The following ADAMTS12 variants were observed in gnomAD, a reference collection of about 807,000 sequenced individuals.
The protein encoded by ADAMTS12 is A disintegrin and metalloproteinase with thrombospondin motifs 12.
A neutral mutation model predicts 167.8 loss-of-function variants in ADAMTS12; 118 were observed. That is an observed-to-expected ratio of 0.70 (90% CI 0.61 to 0.82). ADAMTS12 has a LOEUF of 0.82. Ranked by LOEUF, ADAMTS12 falls within the 40% of genes least tolerant of loss-of-function variation. The pLI, the probability that ADAMTS12 is intolerant of heterozygous loss-of-function variation, is 0.00. For synonymous variants in ADAMTS12, 704 were observed against 716.9 expected (o/e 0.98, Z 0.29); for missense variants, 1,916 against 1,998.8 (o/e 0.96, Z 0.79).
intron 16 of ADAMTS12, among the ~76,000 whole-genome samples, chr5:33,602,861 A>C (rs1234082900): frequency 6.6e-6 from 1 of 152,210 alleles, no homozygotes. Context: ...TTTATAATTC[A>C]GTTTAGAACA....
chr5:33,861,941 C>T (rs551115690), intron 2 of ADAMTS12, among the ~76,000 whole-genome samples: 10 of 152,098 alleles, frequency 6.6e-5, no homozygotes, highest in African/African-American at 2.2e-4. Flanking sequence ...GGGTAAATAA[C>T]GAAATAAAGG....
chr5:33,700,836 T>C (rs1726257874), intron 3 of ADAMTS12, among the ~76,000 whole-genome samples: 1 of 152,042 alleles, frequency 6.6e-6, no homozygotes, highest in Non-Finnish European at 1.5e-5. Flanking sequence ...ATCTTATGAC[T>C]GTATGTGAAT....
Position 33,527,288 on chromosome 5 carries a change from G to A in ADAMTS12, c.4685C>T (p.Thr1562Ile), listed in dbSNP as rs1347559307. The change falls in exon 24 of 24, where the codon ACC becomes ATC. Residue 1562 changes from threonine to isoleucine, a missense_variant. By Grantham distance (89) the Thr-to-Ile change is moderately conservative. Coordinates refer to ENST00000504830, the MANE Select transcript of ADAMTS12 (RefSeq NM_030955.4). ...CGAGAAGCAGCACTCAGCCCTCACG[G>A]TGGGCACAGAACATTTCTTCATGGC... ...LKAMKKCSVPTVRAECCFSCP... is the reference protein window; with the variant it reads ...LKAMKKCSVPIVRAECCFSCP... The A allele has an allele frequency of 3.1e-6, 5 of 1,614,176 alleles. No individual in the cohort carries two copies. In the East Asian group the frequency reaches 6.7e-5, roughly 22 times the overall value.
chr5:33,709,926 A>G (rs1743333694), intron 3 of ADAMTS12, among the ~76,000 whole-genome samples: 1 of 152,172 alleles, frequency 6.6e-6, no homozygotes, highest in Non-Finnish European at 1.5e-5. Context: ...AAAATAAAAT[A>G]TTGTCTGAAA....
chr5:33,650,177 T>C (rs1740822191), intron 7 of ADAMTS12, among the ~76,000 whole-genome samples: 1 of 152,232 alleles, frequency 6.6e-6, no homozygotes, highest in Non-Finnish European at 1.5e-5. Context: ...GAGGGATCAA[T>C]GTCTTTCTAC....
intron 2 of ADAMTS12, among the ~76,000 whole-genome samples, chr5:33,756,711 C>T (rs1178033617): frequency 1.3e-5 from 2 of 152,100 alleles, no homozygotes; most frequent in Non-Finnish European, 2.9e-5. Context: ...GTCTGGGCAG[C>T]CCTAGTAACT....
chr5:33,688,131 AG>A (rs530598608), intron 3 of ADAMTS12, among the ~76,000 whole-genome samples: 13 of 152,370 alleles, frequency 8.5e-5, no homozygotes, highest in South Asian at 6.2e-4. Context: ...AGTGGCACCC[AG>A]TAAATACCAA....
chr5:33,768,759 CATG>C (rs773967192), intron 2 of ADAMTS12, among the ~76,000 whole-genome samples: 4 of 151,972 alleles, frequency 2.6e-5, no homozygotes, highest in Non-Finnish European at 5.9e-5. Context: ...CATGTAGTGG[CATG>C]ATAAGAAACT....
intron 17 of ADAMTS12, among the ~76,000 whole-genome samples, chr5:33,594,903 G>T (rs1235049945): frequency 6.6e-6 from 1 of 152,052 alleles, no homozygotes; most frequent in Non-Finnish European, 1.5e-5. Flanking sequence ...TCACATTCTA[G>T]CTCTTCTTTA....
chr5:33,854,075 T>G (rs1749317451), intron 2 of ADAMTS12, among the ~76,000 whole-genome samples: 2 of 152,220 alleles, frequency 1.3e-5, no homozygotes. Context: ...ACATGGGTTG[T>G]CTGGTTAAAA....
At chr5:33,649,447 G>A in intron 8 of ADAMTS12, 107 bp downstream of exon 8, 4 of 1,390,206 alleles carry the variant, frequency 2.9e-6, no homozygotes, top group Non-Finnish European at 3.9e-6. Flanking sequence ...GTGGCCTGTG[G>A]GATGGAATCC....
At chr5:33,684,555 TG>T (rs1187186194) in intron 3 of ADAMTS12, among the ~76,000 whole-genome samples, 2 of 152,226 alleles carry the variant, frequency 1.3e-5, no homozygotes, top group East Asian at 3.8e-4. Flanking sequence ...GTACTTTCTA[TG>T]CCCCAAAATC....
intron 19 of ADAMTS12, among the ~76,000 whole-genome samples, chr5:33,575,641 G>T (rs80153307): frequency 1.3e-5 from 2 of 152,110 alleles, no homozygotes; most frequent in African/African-American, 4.8e-5. Context: ...GGTCTTCACT[G>T]GTCAGTTTAC....
At chr5:33,801,775 G>A (rs932796900) in intron 2 of ADAMTS12, among the ~76,000 whole-genome samples, 2 of 152,178 alleles carry the variant, frequency 1.3e-5, no homozygotes, top group East Asian at 1.9e-4. Flanking sequence ...AGAAAATGCC[G>A]TGAGGTTGAA....
At chr5:33,703,581 A>C (rs2112302120) in intron 3 of ADAMTS12, among the ~76,000 whole-genome samples, 1 of 152,262 alleles carries the variant, frequency 6.6e-6, no homozygotes, top group South Asian at 2.1e-4. Context: ...TCCTCTGGTA[A>C]CCACCATACT....
intron 1 of ADAMTS12, chr5:33,888,027 G>A (rs990604280): frequency 6.6e-6 from 1 of 152,234 alleles, no homozygotes; most frequent in East Asian, 1.9e-4. Context: ...TTACAGGCAT[G>A]AGCCACCACG....
Position 33,527,019 on chromosome 5 carries a change from G to A in ADAMTS12, c.*169C>T. ...GCAAGTACGGCAGCCTAGGCCTCCT[G>A]TGAGGGACATTCGGTGGCTAGAGGA... On this transcript the variant is annotated 3_prime_UTR_variant, in exon 24 of 24. Transcript: ENST00000504830. 1.2e-6 allele frequency: 1 copy of A among 856,752 alleles called. No individual in the cohort carries two copies. The highest frequency in any genetic ancestry group is 1.8e-6 in the Non-Finnish European group (1 of 560,714). 53.1% of individuals were successfully genotyped at this position (856,752 alleles called of 1,614,324 possible).
chr5:33,891,312 A>G (rs1392710956), intron 1 of ADAMTS12, among the ~76,000 whole-genome samples: 1 of 152,180 alleles, frequency 6.6e-6, no homozygotes, highest in African/African-American at 2.4e-5. Context: ...TCCTGACCAG[A>G]GGTTTAAAAC....
At chr5:33,808,870 G>A (rs935618285) in intron 2 of ADAMTS12, among the ~76,000 whole-genome samples, 3 of 152,140 alleles carry the variant, frequency 2.0e-5, no homozygotes, top group South Asian at 2.1e-4. Flanking sequence ...TCTAGTTTCC[G>A]TGACTACTTT....
Sources: gnomAD v4.1 joint callset for allele counts (sites outside exome capture counted in the v4.1 genomes callset) on GRCh38, gnomAD v4.1.1 for gene constraint, MANE v1.5 for transcripts, NCBI Gene and HGNC (gene_info 2026-07-23, HGNC 2026-07-21) for gene names.